Variants in SHCBP1 observed in about 807,000 individuals in gnomAD.
The protein encoded by SHCBP1 is SHC SH2 domain-binding protein 1.
A neutral mutation model predicts 75.1 loss-of-function variants in SHCBP1; 60 were observed. The observed-to-expected ratio is 0.80, with a 90% CI of 0.65 to 0.99. The LOEUF is 0.99. Among genes scored for constraint, SHCBP1 ranks in the 50% least tolerant of loss-of-function variants. The pLI is 0.00. For missense variants in SHCBP1, 709 were observed against 809.4 expected (o/e 0.88, Z 1.50); for synonymous variants, 290 against 293.2 (o/e 0.99, Z 0.11).
Position 46,595,536 on chromosome 16 carries a change from G to T in SHCBP1, c.1464+16C>A. On this transcript the variant is annotated intron_variant, in intron 10 of 12. Coordinates refer to ENST00000303383, the MANE Select transcript of SHCBP1 (RefSeq NM_024745.5). The stretch of plus-strand genomic sequence containing the variant: ...TTAAACACAAACTACTTCCCCAAGA[G>T]GACAAGAGCTTCTACCTTGGCGCCA... 6.3e-7 allele frequency: 1 copy of T among 1,593,676 alleles called. No homozygotes were observed. Among genetic ancestry groups the T allele is most frequent in the Non-Finnish European group, 8.6e-7 (1 of 1,161,544 alleles).
chr16:46,596,606 C>T (rs1965147362), intron 9 of SHCBP1, among the ~76,000 whole-genome samples: 1 of 151,812 alleles, frequency 6.6e-6, no homozygotes, highest in Non-Finnish European at 1.5e-5. Context: ...TTAGTAGAGA[C>T]AGGGTTTCAT....
intron 5 of SHCBP1, among the ~76,000 whole-genome samples, chr16:46,608,061 C>A (rs985402204): frequency 6.6e-6 from 1 of 152,152 alleles, no homozygotes; most frequent in Non-Finnish European, 1.5e-5. Context: ...AATTTATAAA[C>A]ACTAAAAGCA....
At chr16:46,614,306 A>T (rs1225191050) in intron 4 of SHCBP1, among the ~76,000 whole-genome samples, 1 of 152,226 alleles carries the variant, frequency 6.6e-6, no homozygotes, top group Admixed American at 6.5e-5. Context: ...CTAATGGTAT[A>T]GAAAATAGAA....
chr16:46,614,480 T>A (rs768919031), intron 4 of SHCBP1, among the ~76,000 whole-genome samples: 9 of 152,218 alleles, frequency 5.9e-5, no homozygotes, highest in Non-Finnish European at 1.2e-4. Context: ...TCAGGAACTA[T>A]CCAATAAAAG....
chr16:46,582,438 A>G (rs1218546228), intron 12 of SHCBP1, among the ~76,000 whole-genome samples: 1 of 152,244 alleles, frequency 6.6e-6, no homozygotes, highest in African/African-American at 2.4e-5. Context: ...CTGTAATTTT[A>G]CAATGTAATT....
At chr16:46,591,917 T>C (rs562175021) in intron 10 of SHCBP1, among the ~76,000 whole-genome samples, 5 of 151,812 alleles carry the variant, frequency 3.3e-5, no homozygotes, top group Admixed American at 1.3e-4. Context: ...AACCAACGAA[T>C]AAAAATAAAT....
chr16:46,583,736 A>G (rs1397078974), intron 11 of SHCBP1, 79 bp from the exon 12 acceptor site: 1 of 1,495,124 alleles, frequency 6.7e-7, no homozygotes, highest in African/African-American at 1.4e-5. Context: ...TATTCACACT[A>G]TTCTAAAAAT....
At chr16:46,589,998 C>T (rs1218017107) in intron 10 of SHCBP1, among the ~76,000 whole-genome samples, 1 of 151,992 alleles carries the variant, frequency 6.6e-6, no homozygotes, top group Non-Finnish European at 1.5e-5. Context: ...CAGAACAGAG[C>T]CCTCAGAAAT....
intron 8 of SHCBP1, among the ~76,000 whole-genome samples, chr16:46,601,710 T>C (rs562221206): frequency 6.6e-6 from 1 of 152,316 alleles, no homozygotes; most frequent in African/African-American, 2.4e-5. Context: ...CTTGGCATAT[T>C]TTCTACAATA....
intron 10 of SHCBP1, among the ~76,000 whole-genome samples, chr16:46,591,234 T>C (rs1220544373): frequency 6.6e-6 from 1 of 152,058 alleles, no homozygotes; most frequent in East Asian, 1.9e-4. Flanking sequence ...AGTTAATGGG[T>C]GCAGCACACC....
At chr16:46,586,309 T>C (rs1032791837) in intron 10 of SHCBP1, among the ~76,000 whole-genome samples, 1 of 151,822 alleles carries the variant, frequency 6.6e-6, no homozygotes, top group African/African-American at 2.4e-5. Context: ...AATTGAAAAA[T>C]ACAATAACTG....
At chr16:46,593,559 C>T (rs1371263350) in intron 10 of SHCBP1, among the ~76,000 whole-genome samples, 1 of 151,940 alleles carries the variant, frequency 6.6e-6, no homozygotes, top group Non-Finnish European at 1.5e-5. Flanking sequence ...GGCAAGACCC[C>T]ATCTCTACAA....
At chr16:46,582,907 A>T (rs1442484457) in intron 12 of SHCBP1, among the ~76,000 whole-genome samples, 1 of 152,224 alleles carries the variant, frequency 6.6e-6, no homozygotes, top group African/African-American at 2.4e-5. Flanking sequence ...CCTCACCTAC[A>T]TCAAAGCTTA....
intron 10 of SHCBP1, 63 bp downstream of exon 10, chr16:46,595,489 A>C: frequency 1.6e-5 from 20 of 1,217,716 alleles, no homozygotes; most frequent in Non-Finnish European, 2.2e-5. Flanking sequence ...TTGGTCCCAT[A>C]TTTCATATAT....
intron 8 of SHCBP1, among the ~76,000 whole-genome samples, chr16:46,601,666 T>C (rs952974219): frequency 6.6e-6 from 1 of 152,190 alleles, no homozygotes; most frequent in Non-Finnish European, 1.5e-5. Context: ...TTATGAGTGA[T>C]TTTGTTTCTG....
At chr16:46,583,236 T>C (rs1964900163) in intron 12 of SHCBP1, among the ~76,000 whole-genome samples, 1 of 152,196 alleles carries the variant, frequency 6.6e-6, no homozygotes, top group Non-Finnish European at 1.5e-5. Flanking sequence ...ATCGTTGCTA[T>C]CACACATCCA....
chr16:46,609,348 A>T (rs1220741035), intron 4 of SHCBP1, among the ~76,000 whole-genome samples: 2 of 151,978 alleles, frequency 1.3e-5, no homozygotes, highest in African/African-American at 2.4e-5. Flanking sequence ...ATTTAAAAAC[A>T]AGAACAATTA....
intron 2 of SHCBP1, 107 bp from the exon 3 acceptor site, chr16:46,617,856 T>C (rs1596692172): frequency 1.2e-6 from 1 of 864,700 alleles, no homozygotes; most frequent in East Asian, 2.5e-5. Flanking sequence ...CTGAAATAGA[T>C]AATCTACTTG....
At chr16:46,592,970 A>AAAAAAAAAAAAAAAAAAAAAAAAAAC (rs1567444471) in intron 10 of SHCBP1, among the ~76,000 whole-genome samples, 1 of 145,766 alleles carries the variant, frequency 6.9e-6, no homozygotes, top group Non-Finnish European at 1.5e-5. Flanking sequence ...AAAAAAAAAA[A>AAAAAAAAAAAAAAAAAAAAAAAAAAC]AAAAAAGCAG....
Sources: gnomAD v4.1 joint callset for allele counts (sites outside exome capture counted in the v4.1 genomes callset) on GRCh38, gnomAD v4.1.1 for gene constraint, MANE v1.5 for transcripts, NCBI Gene and HGNC (gene_info 2026-07-23, HGNC 2026-07-21) for gene names.